Variants in DSCAM observed in about 807,000 individuals in gnomAD.
The protein encoded by DSCAM is cell adhesion molecule DSCAM.
A neutral mutation model predicts 217.7 loss-of-function variants in DSCAM; 47 were observed. That is an observed-to-expected ratio of 0.22 (90% confidence interval 0.17 to 0.28). The LOEUF is 0.28. Among genes scored for constraint, DSCAM ranks in the 10% least tolerant of loss-of-function variants. The pLI, the probability that DSCAM is intolerant of heterozygous loss-of-function variation, is 1.00. For synonymous variants in DSCAM, 1,056 were observed against 1,015.3 expected (o/e 1.04, Z -0.76); for missense variants, 2,080 against 2,618.3 (o/e 0.79, Z 4.49).
At chr21:40,616,996 G>A (rs1366907173) in intron 3 of DSCAM, among the ~76,000 whole-genome samples, 12 of 109,470 alleles carry the variant, frequency 1.1e-4, no homozygotes, top group African/African-American at 3.9e-4. Context: ...CAGCCTGGGC[G>A]ACAGAGCAAG....
chr21:40,673,478 T>C (rs1383771783), intron 3 of DSCAM, among the ~76,000 whole-genome samples: 4 of 152,228 alleles, frequency 2.6e-5, no homozygotes, highest in African/African-American at 9.6e-5. Flanking sequence ...CTCAATTTTA[T>C]GCAAATCACC....
chr21:40,067,631 T>C (rs1480979998), intron 27 of DSCAM, among the ~76,000 whole-genome samples: 1 of 152,130 alleles, frequency 6.6e-6, no homozygotes, highest in Non-Finnish European at 1.5e-5. Context: ...AGAGTATGTT[T>C]TGAAAAAAAA....
chr21:40,833,412 C>T (rs1472836492), intron 1 of DSCAM, among the ~76,000 whole-genome samples: 1 of 152,136 alleles, frequency 6.6e-6, no homozygotes, highest in Non-Finnish European at 1.5e-5. Context: ...CTCCGCCAGC[C>T]GCAGAAAAGG....
intron 4 of DSCAM, among the ~76,000 whole-genome samples, chr21:40,361,831 T>C (rs1002568460): frequency 1.4e-4 from 22 of 152,228 alleles, no homozygotes; most frequent in Non-Finnish European, 2.5e-4. Flanking sequence ...TTGAATTAAT[T>C]AAATCAAGAT....
intron 1 of DSCAM, among the ~76,000 whole-genome samples, chr21:40,815,415 A>G (rs1429362871): frequency 1.3e-5 from 2 of 152,160 alleles, no homozygotes; most frequent in Non-Finnish European, 2.9e-5. Flanking sequence ...GTCAGCAAAT[A>G]TAAGCAAATG....
rs7275288 is a variant in DSCAM at position 40,736,891 on chromosome 21, G to A, written c.44-28120C>T. On this transcript the variant is annotated intron_variant, in intron 1 of 32. Coordinates refer to ENST00000400454, the MANE Select transcript of DSCAM (RefSeq NM_001389.5). ...TGAAAATTATATAACTACTCCACAA[G>A]AAGAAGATAGTTTATTGTGGAACTT... 6.9e-3 allele frequency among the ~76,000 whole-genome samples: 1,056 copies of A among 152,048 alleles called. 15 individuals are homozygous for A. The highest frequency in any genetic ancestry group is 0.024 in the African/African-American group (1,007 of 41,472).
rs934851184 is a variant in DSCAM at position 40,464,715 on chromosome 21, G to A, written c.509-95470C>T. 1.1e-4 allele frequency among the ~76,000 whole-genome samples: 16 copies of A among 150,378 alleles called. No homozygotes were observed. In the South Asian group the frequency reaches 1.3e-3, roughly 12 times the overall value. On this transcript the variant is annotated intron_variant, in intron 3 of 32. Coordinates refer to ENST00000400454, the MANE Select transcript of DSCAM (RefSeq NM_001389.5). ...GATTCTCTGCATCTGTTCCTGTTCC[G>A]TCACTAATTCATTCTCCCCAGAACC...
intron 1 of DSCAM, among the ~76,000 whole-genome samples, chr21:40,811,439 G>C (rs562512343): frequency 6.6e-6 from 1 of 152,292 alleles, no homozygotes; most frequent in African/African-American, 2.4e-5. Flanking sequence ...AATTTTAATT[G>C]ATTTAATTAT....
At chr21:40,540,977 C>G (rs1365278095) in intron 3 of DSCAM, among the ~76,000 whole-genome samples, 2 of 151,906 alleles carry the variant, frequency 1.3e-5, no homozygotes, top group Non-Finnish European at 2.9e-5. Flanking sequence ...GATTACCCTG[C>G]TTTCATCCTT....
chr21:40,573,642 G>C (rs1248018018), intron 3 of DSCAM, among the ~76,000 whole-genome samples: 3 of 151,594 alleles, frequency 2.0e-5, no homozygotes. Context: ...TAAAATATAA[G>C]AAAGGAAATA....
intron 3 of DSCAM, among the ~76,000 whole-genome samples, chr21:40,478,891 AAAT>A (rs958297712): frequency 2.6e-5 from 4 of 152,240 alleles, no homozygotes; most frequent in Non-Finnish European, 4.4e-5. Flanking sequence ...TAACAACAAT[AAAT>A]AATAATAAAA....
chr21:40,104,552 G>A (rs998879561), intron 20 of DSCAM, among the ~76,000 whole-genome samples: 1 of 152,146 alleles, frequency 6.6e-6, no homozygotes, highest in Non-Finnish European at 1.5e-5. Flanking sequence ...AGGTTAAGAG[G>A]GTGGGATGAA....
At chr21:40,126,386 T>C (rs2090094165) in intron 19 of DSCAM, among the ~76,000 whole-genome samples, 1 of 151,868 alleles carries the variant, frequency 6.6e-6, no homozygotes, top group African/African-American at 2.4e-5. Flanking sequence ...AGAAGGCCGA[T>C]CTATGTTTGG....
chr21:40,425,381 T>C (rs2075462615), intron 3 of DSCAM, among the ~76,000 whole-genome samples: 1 of 151,970 alleles, frequency 6.6e-6, no homozygotes, highest in South Asian at 2.1e-4. Context: ...ACAAAAATTA[T>C]GAGTGAGAAC....
intron 3 of DSCAM, among the ~76,000 whole-genome samples, chr21:40,463,320 C>CA (rs1409357874): frequency 5.3e-5 from 8 of 152,062 alleles, no homozygotes; most frequent in Non-Finnish European, 1.2e-4. Context: ...GCTGAACATC[C>CA]AATAACAACT....
intron 1 of DSCAM, among the ~76,000 whole-genome samples, chr21:40,731,408 G>A (rs1474973141): frequency 1.3e-5 from 2 of 152,180 alleles, no homozygotes; most frequent in Admixed American, 1.3e-4. Flanking sequence ...GGGGAAAGTT[G>A]AGGCTATAGC....
intron 3 of DSCAM, among the ~76,000 whole-genome samples, chr21:40,415,082 C>G (rs1443721547): frequency 2.0e-5 from 3 of 152,040 alleles, no homozygotes; most frequent in Non-Finnish European, 4.4e-5. Context: ...AAAAAAAGAC[C>G]TGGAATTTGA....
chr21:40,139,092 GATGTGTGGTGTGGTGTGTGGTGTGTGT>G (rs2090255601), intron 18 of DSCAM, among the ~76,000 whole-genome samples: 1 of 142,078 alleles, frequency 7.0e-6, no homozygotes, highest in South Asian at 2.3e-4. Flanking sequence ...GAGTATGTGG[GATGTGTGGTGTGGTGTGTGGTGTGTGT>G]ATGTGTGGTG....
intron 32 of DSCAM, among the ~76,000 whole-genome samples, chr21:40,021,067 T>G (rs1601233813): frequency 7.1e-6 from 1 of 141,442 alleles, no homozygotes; most frequent in African/African-American, 2.6e-5. Flanking sequence ...TGGGGGGGTG[T>G]GAGGGAGGAT....
Sources: gnomAD v4.1 joint callset for allele counts (sites outside exome capture counted in the v4.1 genomes callset) on GRCh38, gnomAD v4.1.1 for gene constraint, MANE v1.5 for transcripts, NCBI Gene and HGNC (gene_info 2026-07-23, HGNC 2026-07-21) for gene names.